The following CHST9 variants were observed in gnomAD, a reference collection of about 807,000 sequenced individuals.
CHST9 encodes the protein GalNAc-4-sulfotransferase 2.
CHST9 carries 41 observed loss-of-function variants against 44.4 expected under a neutral mutation model. That is an observed-to-expected ratio of 0.92 (90% CI 0.72 to 1.20). CHST9 has a LOEUF of 1.20. CHST9 is among the 50% of genes most tolerant of loss of function. CHST9 has a pLI of 0.00. For synonymous variants in CHST9, 171 were observed against 178.4 expected, an observed-to-expected ratio of 0.96 and a Z score of 0.33; for missense variants, 504 against 516.5, an observed-to-expected ratio of 0.98 and a Z score of 0.23.
intron 1 of CHST9, among the ~76,000 whole-genome samples, chr18:27,149,778 CTG>C (rs2058645503): frequency 1.3e-5 from 2 of 151,936 alleles, no homozygotes; most frequent in African/African-American, 4.8e-5. Flanking sequence ...AGCAATTTCT[CTG>C]TCTTTATCTA....
At chr18:27,053,218 G>GGAAGAAGAAGAATAAGAA (rs2057599364) in intron 2 of CHST9, among the ~76,000 whole-genome samples, 1 of 32,324 alleles carries the variant, frequency 3.1e-5, no homozygotes, top group Admixed American at 4.1e-4. Flanking sequence ...AGGAGGAAGA[G>GGAAGAAGAAGAATAAGAA]GAAGAAGAAG....
intron 4 of CHST9, among the ~76,000 whole-genome samples, chr18:26,966,656 G>T (rs1362547107): frequency 6.6e-6 from 1 of 152,078 alleles, no homozygotes; most frequent in Non-Finnish European, 1.5e-5. Context: ...CAGATGGATT[G>T]GCCACAGACC....
chr18:27,135,251 C>A (rs1456763625), intron 2 of CHST9, among the ~76,000 whole-genome samples: 3 of 152,054 alleles, frequency 2.0e-5, no homozygotes, highest in Non-Finnish European at 4.4e-5. Flanking sequence ...AGTAGTGAAC[C>A]GTTTCATATT....
rs538091340 is a variant in CHST9 at position 26,956,609 on chromosome 18, A to G, written c.203-12243T>C. ...GCCTTAGCCTGGTGGAGATGACAATATTCTCTGGCCTATGCAAGAAAAGAG... is the reference window on the plus strand; with the variant it reads ...GCCTTAGCCTGGTGGAGATGACAATGTTCTCTGGCCTATGCAAGAAAAGAG... On this transcript the variant is annotated intron_variant, in intron 4 of 5. Transcript: ENST00000618847. Among the ~76,000 whole-genome samples the G allele has an allele frequency of 1.4e-3, 218 of 152,014 alleles. 1 individual carries two copies. The highest frequency in any genetic ancestry group is 4.8e-3 in the Admixed American group (73 of 15,244).
intron 4 of CHST9, among the ~76,000 whole-genome samples, chr18:26,978,918 T>G (rs2056658143): frequency 6.6e-6 from 1 of 151,644 alleles, no homozygotes; most frequent in African/African-American, 2.4e-5. Flanking sequence ...CAAGGGAGAG[T>G]CAAGACCTTA....
intron 4 of CHST9, among the ~76,000 whole-genome samples, chr18:27,015,323 TTGTGTGTGTGTGTGTG>T (rs10690815): frequency 6.8e-6 from 1 of 146,344 alleles, no homozygotes; most frequent in African/African-American, 2.6e-5. Context: ...AGAGAGGCAG[TTGTGTGTGTGTGTGTG>T]TGTGTGTGTG....
intron 1 of CHST9, among the ~76,000 whole-genome samples, chr18:27,174,429 T>TA (rs11291267): frequency 1.3e-5 from 2 of 151,730 alleles, no homozygotes; most frequent in African/African-American, 2.4e-5. Flanking sequence ...TCATGTATCA[T>TA]AAAAAAAATA....
intron 4 of CHST9, among the ~76,000 whole-genome samples, chr18:26,950,750 A>G (rs1178070909): frequency 6.6e-6 from 1 of 152,164 alleles, no homozygotes; most frequent in Non-Finnish European, 1.5e-5. Flanking sequence ...GAGGGAGAAA[A>G]GACAACATAT....
At chr18:27,143,571 G>A (rs1043516226) in intron 1 of CHST9, among the ~76,000 whole-genome samples, 15 of 150,696 alleles carry the variant, frequency 1.0e-4, no homozygotes, top group South Asian at 6.3e-4. Flanking sequence ...GAACAATCTC[G>A]TTTAATATAA....
chr18:26,983,889 T>C (rs1205642417), intron 4 of CHST9, among the ~76,000 whole-genome samples: 6 of 152,176 alleles, frequency 3.9e-5, no homozygotes, highest in African/African-American at 1.2e-4. Flanking sequence ...TGGATAACTT[T>C]TGCAATTCAG....
intron 2 of CHST9, among the ~76,000 whole-genome samples, chr18:27,135,301 C>A (rs79296378): frequency 0.011 from 1,720 of 152,258 alleles, 28 homozygotes; most frequent in African/African-American, 0.036. Context: ...ATTTTTCTGT[C>A]TGATTCCTTG....
chr18:27,107,896 T>C lies in CHST9; in HGVS notation c.121+34793A>G, dbSNP rs377414144. Among the ~76,000 whole-genome samples, 32 of 152,302 alleles carry C rather than the reference T, an allele frequency of 2.1e-4. No individual in the cohort carries two copies. The South Asian group carries it at 6.2e-3, about 30-fold the overall frequency. On this transcript the variant is annotated intron_variant, in intron 2 of 5. Coordinates refer to ENST00000618847, the MANE Select transcript of CHST9 (RefSeq NM_031422.6). Reference sequence around the variant, plus strand: ...ACAACAATGAAGCGGATCTTGCAGATTCCCCATCATGTGCATTTCTGCTTT... The same window carrying C: ...ACAACAATGAAGCGGATCTTGCAGACTCCCCATCATGTGCATTTCTGCTTT...
intron 2 of CHST9, among the ~76,000 whole-genome samples, chr18:27,088,782 C>T (rs2058037956): frequency 6.6e-6 from 1 of 152,114 alleles, no homozygotes; most frequent in Non-Finnish European, 1.5e-5. Flanking sequence ...AAATTTAATG[C>T]CATCTTCGAG....
chr18:26,955,117 G>A (rs1011418690), intron 4 of CHST9, among the ~76,000 whole-genome samples: 2 of 151,940 alleles, frequency 1.3e-5, no homozygotes, highest in African/African-American at 2.4e-5. Context: ...TGAATTCTGG[G>A]CCATATCAAA....
intron 2 of CHST9, among the ~76,000 whole-genome samples, chr18:27,073,273 A>C (rs2143653143): frequency 6.6e-6 from 1 of 152,156 alleles, no homozygotes; most frequent in African/African-American, 2.4e-5. Context: ...TAATGTAGTT[A>C]TCCTGTTGGA....
intron 1 of CHST9, among the ~76,000 whole-genome samples, chr18:27,164,746 G>C (rs1315360378): frequency 6.6e-6 from 1 of 152,004 alleles, no homozygotes; most frequent in African/African-American, 2.4e-5. Flanking sequence ...CACATGAGGA[G>C]GATCAAGAAT....
chr18:26,941,673 G>A (rs2056084466), intron 5 of CHST9, among the ~76,000 whole-genome samples: 1 of 151,994 alleles, frequency 6.6e-6, no homozygotes, highest in East Asian at 1.9e-4. Flanking sequence ...TCCCATTCTA[G>A]AACAGAGGCT....
intron 4 of CHST9, among the ~76,000 whole-genome samples, chr18:27,021,093 C>G (rs994732792): frequency 1.3e-5 from 2 of 152,030 alleles, no homozygotes; most frequent in Non-Finnish European, 2.9e-5. Context: ...TTTTTACTAC[C>G]TTATGTGCTA....
chr18:27,047,326 A>C (rs894844896), intron 3 of CHST9, among the ~76,000 whole-genome samples: 2 of 151,714 alleles, frequency 1.3e-5, no homozygotes, highest in African/African-American at 4.8e-5. Flanking sequence ...TTTCTCCCCC[A>C]AGGAGCAATA....
Sources: allele counts gnomAD v4.1 joint callset (sites outside exome capture counted in the v4.1 genomes callset), GRCh38; gene constraint gnomAD v4.1.1; transcripts MANE v1.5; gene names NCBI Gene and HGNC (gene_info 2026-07-23, HGNC 2026-07-21).